MYH11: variants seen among roughly 807,000 people sequenced by gnomAD.
The protein encoded by MYH11 is myosin-11.
In MYH11, 80 loss-of-function variants were observed where a neutral mutation model predicts 246.6. That is an observed-to-expected ratio of 0.32 (90% CI 0.27 to 0.39). The LOEUF (loss-of-function observed/expected upper bound fraction) is 0.39, where lower values mean the gene tolerates loss of function less well. Among genes scored for constraint, MYH11 ranks in the 10% least tolerant of loss-of-function variants. The pLI, the probability that MYH11 is intolerant of heterozygous loss-of-function variation, is 1.00. For synonymous variants in MYH11, 1,071 were observed against 1,015.5 expected (o/e 1.05, Z -1.04); for missense variants, 2,158 against 2,546.8 (o/e 0.85, Z 3.29).
At position 15,743,918 on chromosome 16, in the gene MYH11, G is replaced by A. The variant is rs966106568; in HGVS notation, c.2520+1211C>T. On this transcript the variant is annotated intron_variant, in intron 20 of 40. Transcript: ENST00000300036. ...TTGTGCCATGGGGACAATGCAACCAGTGCCACTACAGGAACCAGTTGAGTC... is the reference window on the plus strand; with the variant it reads ...TTGTGCCATGGGGACAATGCAACCAATGCCACTACAGGAACCAGTTGAGTC... 3.3e-5 allele frequency among the ~76,000 whole-genome samples: 5 copies of A among 152,128 alleles called. No homozygotes were observed. The East Asian group carries it at 7.7e-4, about 23-fold the overall frequency.
At chr16:15,722,917 T>C (rs1421160539) in intron 31 of MYH11, among the ~76,000 whole-genome samples, 1 of 152,096 alleles carries the variant, frequency 6.6e-6, no homozygotes, top group Non-Finnish European at 1.5e-5. Flanking sequence ...CTAATTTTGG[T>C]ATTTTTAGTA....
chr16:15,855,569 G>T (rs184078921), intron 1 of MYH11, among the ~76,000 whole-genome samples: 3 of 152,292 alleles, frequency 2.0e-5, no homozygotes, highest in Admixed American at 2.0e-4. Flanking sequence ...GCATCATAAA[G>T]CCTTTCTTAT....
chr16:15,781,361 T>C (rs955805599), intron 6 of MYH11, among the ~76,000 whole-genome samples: 2 of 152,204 alleles, frequency 1.3e-5, no homozygotes, highest in Non-Finnish European at 2.9e-5. Context: ...TATGTAATTG[T>C]TTGTTACTAA....
chr16:15,798,773 C>T (rs1429985906), intron 3 of MYH11, 86 bp from the exon 4 acceptor site: 1 of 1,383,352 alleles, frequency 7.2e-7, no homozygotes, highest in Non-Finnish European at 1.0e-6. Context: ...CAGGGCCCTC[C>T]CATTCTAAAG....
Position 15,747,552 on chromosome 16 carries a change from G to A in MYH11, c.2411+18C>T, listed in dbSNP as rs1316095185. 1.9e-6 allele frequency: 3 copies of A among 1,614,138 alleles called. No homozygotes were observed. The Admixed American group carries it at 5.0e-5, about 27-fold the overall frequency. ...TGATTCGCGTTTGAGGTATTAGGATGCAGGAAAGCATCTTTACTTTCTGGC... is the reference window on the plus strand; with the variant it reads ...TGATTCGCGTTTGAGGTATTAGGATACAGGAAAGCATCTTTACTTTCTGGC... On this transcript the variant is annotated intron_variant, in intron 19 of 40. Coordinates refer to ENST00000300036, the MANE Select transcript of MYH11 (RefSeq NM_002474.3).
intron 32 of MYH11, 145 bp from the exon 33 acceptor site, chr16:15,721,196 T>G: frequency 9.9e-7 from 1 of 1,006,396 alleles, no homozygotes; most frequent in Non-Finnish European, 1.5e-6. Context: ...AGATGACCCC[T>G]GAGAGTTCAG....
Position 15,753,444 on chromosome 16 carries a change from G to A in MYH11, c.1814C>T (p.Ser605Phe). Residue 605 changes from serine (S) to phenylalanine (F), a missense_variant, in exon 15 of 41, where the codon TCC (serine) becomes TTC (phenylalanine). Ser to Phe is a radical substitution (Grantham distance 155, BLOSUM62 -2). Transcript: ENST00000300036. ...NMDPLNDNVT[S>F]LLNASSDKFV... is the part of the protein sequence containing the mutation. Reference sequence around the variant, plus strand: ...CTTGTCGGAGGAGGCATTGAGCAGGGAAGTCACGTTGTCATTCAGCGGGTC... The same window carrying A: ...CTTGTCGGAGGAGGCATTGAGCAGGAAAGTCACGTTGTCATTCAGCGGGTC... The A allele has an allele frequency of 6.2e-6, 10 of 1,614,120 alleles. No individual in the cohort carries two copies. The highest frequency in any genetic ancestry group is 8.5e-6 in the Non-Finnish European group (10 of 1,180,036).
intron 5 of MYH11, chr16:15,784,563 T>G: frequency 1.1e-6 from 1 of 893,720 alleles, no homozygotes; most frequent in Non-Finnish European, 1.7e-6. Context: ...ATTTACTGAT[T>G]TAAGTTGTGA....
chr16:15,810,947 T>C (rs1043779194), intron 3 of MYH11, among the ~76,000 whole-genome samples: 1 of 152,124 alleles, frequency 6.6e-6, no homozygotes, highest in African/African-American at 2.4e-5. Flanking sequence ...ACCAAAGATA[T>C]TTAACCCCTT....
In MYH11 at chr16:15,720,328, A is replaced by G. The variant is rs756313070; in HGVS notation, c.4792-16T>C. 3.1e-6 allele frequency: 5 copies of G among 1,612,054 alleles called. No individual in the cohort carries two copies. Among genetic ancestry groups the G allele is most frequent in the Non-Finnish European group, 4.2e-6 (5 of 1,179,090 alleles). ...ACTCGTGAAGCTGGGCGAGGAATAG[A>G]GATGTGTGCTGCCCCACTTGCCCCT... On this transcript the variant is annotated splice_polypyrimidine_tract_variant and intron_variant, in intron 33 of 40. Transcript: ENST00000300036.
intron 31 of MYH11, 164 bp from the exon 32 acceptor site, chr16:15,721,798 GA>G: frequency 1.4e-6 from 1 of 701,350 alleles, no homozygotes. Context: ...CTGGCGTTCT[GA>G]CTTCTACATC....
At chr16:15,747,459 G>T in intron 19 of MYH11, 111 bp downstream of exon 19, 2 of 1,266,788 alleles carry the variant, frequency 1.6e-6, no homozygotes, top group Non-Finnish European at 2.3e-6. Flanking sequence ...CTGTCATTCA[G>T]TCAATGATGC....
At chr16:15,784,270 T>C (rs923129405) in intron 5 of MYH11, among the ~76,000 whole-genome samples, 2 of 152,060 alleles carry the variant, frequency 1.3e-5, no homozygotes, top group Admixed American at 1.3e-4. Context: ...GAGGGAGGCA[T>C]GCCACAGCTG....
At chr16:15,753,853 C>T (rs754948810) in intron 14 of MYH11, among the ~76,000 whole-genome samples, 1 of 152,000 alleles carries the variant, frequency 6.6e-6, no homozygotes, top group Non-Finnish European at 1.5e-5. Flanking sequence ...CGGCAGATGC[C>T]CTCCTGCCGA....
At chr16:15,815,633 A>G (rs1279585976) in intron 3 of MYH11, among the ~76,000 whole-genome samples, 1 of 152,202 alleles carries the variant, frequency 6.6e-6, no homozygotes, top group Non-Finnish European at 1.5e-5. Context: ...AATTTGCAAC[A>G]TTTCCCAGAA....
At chr16:15,753,220 C>T (rs1305682855) in intron 15 of MYH11, among the ~76,000 whole-genome samples, 174 bp downstream of exon 15, 1 of 152,102 alleles carries the variant, frequency 6.6e-6, no homozygotes, top group Non-Finnish European at 1.5e-5. Context: ...TCAGGGACCC[C>T]CACTCAGGAA....
intron 16 of MYH11, chr16:15,749,180 C>T (rs1035020705): frequency 2.7e-5 from 4 of 148,104 alleles, no homozygotes; most frequent in African/African-American, 1.0e-4. Context: ...GATGGAGTCT[C>T]GCTCTGCTGC....
intron 3 of MYH11, among the ~76,000 whole-genome samples, chr16:15,802,639 G>T (rs2042914152): frequency 6.6e-6 from 1 of 152,142 alleles, no homozygotes. Context: ...TGTAGAGATT[G>T]GGTCTTGCTA....
chr16:15,824,051 G>A (rs189447675), intron 2 of MYH11, among the ~76,000 whole-genome samples: 2 of 152,162 alleles, frequency 1.3e-5, no homozygotes, highest in African/African-American at 2.4e-5. Flanking sequence ...CTTACTATGT[G>A]TTGGGCACCG....
Sources: allele counts gnomAD v4.1 joint callset (sites outside exome capture counted in the v4.1 genomes callset), GRCh38; gene constraint gnomAD v4.1.1; transcripts MANE v1.5; gene names NCBI Gene and HGNC (gene_info 2026-07-23, HGNC 2026-07-21).